Variants in WDR93 observed in about 807,000 individuals in gnomAD.
WDR93 encodes the protein WD repeat domain 93.
In WDR93, 73 loss-of-function variants were observed where a neutral mutation model predicts 82.9. The ratio of observed to expected loss-of-function variants is 0.88; its 90% CI spans 0.73 to 1.07. WDR93 has a LOEUF of 1.07. WDR93 is among the 50% of genes least tolerant of loss of function. WDR93 has a pLI of 0.00. For missense variants in WDR93, 738 were observed against 826.0 expected, an observed-to-expected ratio of 0.89 and a Z score of 1.31; for synonymous variants, 283 against 300.1, an observed-to-expected ratio of 0.94 and a Z score of 0.59.
chr15:89,697,732 G>T (rs1223300628), intron 1 of WDR93, among the ~76,000 whole-genome samples: 1 of 152,064 alleles, frequency 6.6e-6, no homozygotes. Flanking sequence ...TGAGAAGAGG[G>T]TATTGAAATC....
intron 7 of WDR93, among the ~76,000 whole-genome samples, chr15:89,717,823 A>G (rs2141649837): frequency 6.6e-6 from 1 of 152,326 alleles, no homozygotes; most frequent in South Asian, 2.1e-4. Flanking sequence ...CCAAAATAAC[A>G]GCCCAATTCA....
In WDR93 at chr15:89,729,710, G is replaced by A. The variant is rs775650185; in HGVS notation, c.1151G>A (p.Trp384Ter). The A allele has an allele frequency of 1.9e-6, 3 of 1,612,764 alleles. No homozygotes were observed. The highest frequency in any genetic ancestry group is 2.2e-5 in the South Asian group (2 of 90,990). Residue 384 changes from tryptophan (W) to a stop codon, truncating the protein, a stop_gained, in exon 11 of 17, where the codon TGG becomes TAG. Coordinates refer to ENST00000268130, the MANE Select transcript of WDR93 (RefSeq NM_020212.2). LOFTEE classifies it high-confidence loss of function. ...ATGGCCTGTGTCCTTGGTATACACT[G>A]GACCAGAAGTCACAATTTCTTCCTG... ...SGMACVLGIH[W>*]TRSHNFFLYS...
At chr15:89,708,633 A>G (rs1308047797) in intron 4 of WDR93, among the ~76,000 whole-genome samples, 1 of 152,238 alleles carries the variant, frequency 6.6e-6, no homozygotes, top group Non-Finnish European at 1.5e-5. Context: ...AAGGACATCA[A>G]GGAGGTGTAT....
chr15:89,738,326 C>T (rs2141719482), intron 16 of WDR93, 90 bp downstream of exon 16: 2 of 1,432,750 alleles, frequency 1.4e-6, no homozygotes, highest in Non-Finnish European at 1.9e-6. Context: ...TAAATCCTTT[C>T]AGCATTGAAA....
At chr15:89,737,147 C>G (rs1443975418) in intron 14 of WDR93, among the ~76,000 whole-genome samples, 1 of 152,102 alleles carries the variant, frequency 6.6e-6, no homozygotes, top group Non-Finnish European at 1.5e-5. Context: ...GAGGAAAGAG[C>G]CCAGGCAAGA....
chr15:89,705,940 C>G (rs1790132021), intron 4 of WDR93, among the ~76,000 whole-genome samples: 1 of 152,196 alleles, frequency 6.6e-6, no homozygotes, highest in Admixed American at 6.5e-5. Flanking sequence ...CATTCCCCTT[C>G]CCTTGCCCAT....
At chr15:89,736,704 G>C (rs983873578) in intron 14 of WDR93, among the ~76,000 whole-genome samples, 3 of 152,094 alleles carry the variant, frequency 2.0e-5, no homozygotes, top group African/African-American at 4.8e-5. Context: ...CGCAGGAGGT[G>C]GGGGAGTGGA....
At position 89,726,874 on chromosome 15, in the gene WDR93, C is replaced by T. The variant is rs138701054; in HGVS notation, c.881-283C>T. Among the ~76,000 whole-genome samples, 665 of 152,260 alleles carry T rather than the reference C, an allele frequency of 4.4e-3. 7 individuals are homozygous for T. Among genetic ancestry groups the T allele is most frequent in the African/African-American group, 0.015 (633 of 41,550 alleles). On this transcript the variant is annotated intron_variant, in intron 8 of 16. Coordinates refer to ENST00000268130, the MANE Select transcript of WDR93 (RefSeq NM_020212.2). ...TTTCCCTGCCCCACCGCCCCCCACACCCTGGCCTTTGCAAATATTCTGTAA... is the reference window on the plus strand; with the variant it reads ...TTTCCCTGCCCCACCGCCCCCCACATCCTGGCCTTTGCAAATATTCTGTAA...
intron 4 of WDR93, among the ~76,000 whole-genome samples, chr15:89,707,194 G>A (rs1457683850): frequency 6.6e-6 from 1 of 152,032 alleles, no homozygotes; most frequent in African/African-American, 2.4e-5. Context: ...TCATTAGGGA[G>A]GTGGAAATTA....
At chr15:89,729,878 G>C (rs1966844515) in intron 11 of WDR93, 109 bp downstream of exon 11, 1 of 925,620 alleles carries the variant, frequency 1.1e-6, no homozygotes, top group Non-Finnish European at 1.7e-6. Context: ...TCACTTTAGG[G>C]ACCAGATCTA....
chr15:89,724,337 A>C (rs11632391), intron 8 of WDR93, among the ~76,000 whole-genome samples: 64,993 of 151,862 alleles, frequency 0.43, 14,456 homozygotes, highest in African/African-American at 0.49. Context: ...GCGAGCGAGA[A>C]CCTGTCTCAA....
chr15:89,738,558 C>T (rs1240624837), intron 16 of WDR93, among the ~76,000 whole-genome samples: 3 of 144,880 alleles, frequency 2.1e-5, no homozygotes, highest in Non-Finnish European at 4.5e-5. Context: ...ACCTGGGAGG[C>T]AGAGGTTGCA....
chr15:89,700,559 G>GT (rs5814397), intron 1 of WDR93, among the ~76,000 whole-genome samples: 33 of 124,726 alleles, frequency 2.6e-4, no homozygotes, highest in African/African-American at 7.3e-4. Context: ...AATATTGAGG[G>GT]TTTTTTTTTT....
intron 4 of WDR93, among the ~76,000 whole-genome samples, chr15:89,711,304 T>A (rs1173384847): frequency 6.6e-6 from 1 of 152,102 alleles, no homozygotes; most frequent in Admixed American, 6.5e-5. Context: ...CACGGTTTCT[T>A]CAACAAATAA....
intron 1 of WDR93, among the ~76,000 whole-genome samples, chr15:89,691,819 A>C (rs530207386): frequency 2.3e-4 from 35 of 152,258 alleles, no homozygotes; most frequent in Non-Finnish European, 4.6e-4. Flanking sequence ...GTAAGAGTAC[A>C]AATGGAGTCC....
Position 89,712,049 on chromosome 15 carries a change from C to G in WDR93, c.585C>G (p.Thr195=). 6.2e-7 allele frequency: 1 copy of G among 1,613,358 alleles called. No homozygotes were observed. The highest frequency in any genetic ancestry group is 1.3e-5 in the African/African-American group (1 of 75,018). The change falls in exon 5 of 17, where the codon ACC becomes ACG. Residue 195 remains threonine, a synonymous_variant. Coordinates refer to ENST00000268130, the MANE Select transcript of WDR93 (RefSeq NM_020212.2). ...AGGATGATACCAGCAAGCAAACTAC[C>G]TGTATAAAGATGGAGATCTCTCAAG... is the stretch of plus-strand genomic sequence containing the variant. ...NEVDDTSKQT[T]CIKMEISQGG...
At chr15:89,737,377 C>G (rs1967286597) in intron 14 of WDR93, among the ~76,000 whole-genome samples, 196 bp from the exon 15 acceptor site, 1 of 152,168 alleles carries the variant, frequency 6.6e-6, no homozygotes, top group Non-Finnish European at 1.5e-5. Flanking sequence ...GGAGGAGGGT[C>G]TGTTGGCTGA....
chr15:89,736,685 G>T lies in WDR93; in HGVS notation c.1609-888G>T, dbSNP rs367720563. 5.3e-5 allele frequency among the ~76,000 whole-genome samples: 8 copies of T among 152,234 alleles called. No homozygotes were observed. The East Asian group carries it at 1.4e-3, about 26-fold the overall frequency. ...TGGTGGAGACGAGTGGCTGAAGCTG[G>T]GAGACAGACGCAGGAGGTGGGGGAG... On this transcript the variant is annotated intron_variant, in intron 14 of 16. Coordinates refer to ENST00000268130, the MANE Select transcript of WDR93 (RefSeq NM_020212.2).
chr15:89,729,331 G>C (rs1361295677), intron 10 of WDR93, among the ~76,000 whole-genome samples: 1 of 152,092 alleles, frequency 6.6e-6, no homozygotes, highest in African/African-American at 2.4e-5. Context: ...ATAGGAGAAG[G>C]CATGAGCCCA....
Sources: allele counts gnomAD v4.1 joint callset (sites outside exome capture counted in the v4.1 genomes callset), GRCh38; gene constraint gnomAD v4.1.1; transcripts MANE v1.5; gene names NCBI Gene and HGNC (gene_info 2026-07-23, HGNC 2026-07-21).